The following SCFD2 variants were observed in gnomAD, a reference collection of about 807,000 sequenced individuals.
SCFD2 encodes sec1 family domain containing 2.
A neutral mutation model predicts 58.9 loss-of-function variants in SCFD2; 54 were observed. That is an observed-to-expected ratio of 0.92 (90% CI 0.74 to 1.15). The LOEUF is 1.15. Ranked by LOEUF, SCFD2 falls within the 50% of genes most tolerant of loss-of-function variation. The probability of loss-of-function intolerance (pLI) is 0.00; values close to 1 mark genes in which losing one functional copy is unlikely to be tolerated. For synonymous variants in SCFD2, 321 were observed against 335.9 expected (o/e 0.96, Z 0.49); for missense variants, 805 against 836.6 (o/e 0.96, Z 0.47).
intron 4 of SCFD2, among the ~76,000 whole-genome samples, chr4:53,165,496 G>C (rs553242068): frequency 6.6e-5 from 10 of 152,084 alleles, no homozygotes; most frequent in African/African-American, 2.4e-4. Flanking sequence ...GCACTGACTT[G>C]CACGACCCTA....
intron 5 of SCFD2, among the ~76,000 whole-genome samples, chr4:53,056,327 T>C (rs1577691527): frequency 1.3e-5 from 2 of 152,124 alleles, no homozygotes; most frequent in South Asian, 4.2e-4. Context: ...GGAATGTCCA[T>C]TCTCACAGTA....
intron 5 of SCFD2, among the ~76,000 whole-genome samples, chr4:53,082,649 A>ACACAC (rs1724182153): frequency 6.6e-6 from 1 of 152,102 alleles, no homozygotes; most frequent in African/African-American, 2.4e-5. Context: ...ATCTACCCTC[A>ACACAC]CACACAGGGG....
At chr4:52,998,582 C>T (rs879783343) in intron 5 of SCFD2, among the ~76,000 whole-genome samples, 70 of 152,216 alleles carry the variant, frequency 4.6e-4, no homozygotes, top group Non-Finnish European at 7.1e-4. Context: ...CCCCTTTAGC[C>T]CCAGCTGGAG....
chr4:52,959,103 G>A (rs1447131141), intron 5 of SCFD2, among the ~76,000 whole-genome samples: 8 of 152,160 alleles, frequency 5.3e-5, no homozygotes, highest in Non-Finnish European at 1.2e-4. Context: ...CAGAAAGTCT[G>A]ACTCTTGAGT....
At chr4:53,180,368 C>T (rs1489172193) in intron 4 of SCFD2, among the ~76,000 whole-genome samples, 1 of 152,178 alleles carries the variant, frequency 6.6e-6, no homozygotes, top group African/African-American at 2.4e-5. Flanking sequence ...CGCTCAGCTA[C>T]ATGGAAACTG....
chr4:53,041,047 T>C (rs1722886161), intron 5 of SCFD2, among the ~76,000 whole-genome samples: 1 of 152,218 alleles, frequency 6.6e-6, no homozygotes, highest in African/African-American at 2.4e-5. Context: ...ATGCTATGCA[T>C]ATTTTCATAA....
At chr4:52,937,774 G>A (rs1022236423) in intron 5 of SCFD2, among the ~76,000 whole-genome samples, 3 of 152,110 alleles carry the variant, frequency 2.0e-5, no homozygotes, top group African/African-American at 7.2e-5. Context: ...CACCTCTGCT[G>A]GATTTGATTG....
chr4:53,276,890 T>C (rs1204832246), intron 3 of SCFD2, among the ~76,000 whole-genome samples: 1 of 152,234 alleles, frequency 6.6e-6, no homozygotes, highest in African/African-American at 2.4e-5. Context: ...TATCTCATTG[T>C]GGTTTAAAAT....
intron 3 of SCFD2, among the ~76,000 whole-genome samples, chr4:53,284,600 T>C (rs1731607849): frequency 6.6e-6 from 1 of 152,214 alleles, no homozygotes; most frequent in African/African-American, 2.4e-5. Context: ...TATCACTATT[T>C]GTACAATGCG....
chr4:53,203,133 C>T (rs1381112528), intron 4 of SCFD2, among the ~76,000 whole-genome samples: 4 of 152,108 alleles, frequency 2.6e-5, no homozygotes, highest in African/African-American at 7.2e-5. Context: ...TTCCAGTTTT[C>T]GTTCATTCAG....
intron 5 of SCFD2, among the ~76,000 whole-genome samples, chr4:52,932,998 GAGA>G (rs1720036382): frequency 6.6e-6 from 1 of 152,192 alleles, no homozygotes; most frequent in Non-Finnish European, 1.5e-5. Flanking sequence ...TGGTGAGGAG[GAGA>G]AGAGTAGAAA....
chr4:52,934,975 G>A (rs1720099396), intron 5 of SCFD2, among the ~76,000 whole-genome samples: 4 of 152,284 alleles, frequency 2.6e-5, no homozygotes, highest in Non-Finnish European at 4.4e-5. Flanking sequence ...TACAGTAGCC[G>A]CTAGCTACTT....
chr4:53,048,023 C>A (rs1723086099), intron 5 of SCFD2, among the ~76,000 whole-genome samples: 1 of 152,144 alleles, frequency 6.6e-6, no homozygotes. Context: ...GACCCAGCAG[C>A]ATCACCAGCA....
intron 3 of SCFD2, among the ~76,000 whole-genome samples, chr4:53,279,394 G>GT (rs1192487733): frequency 6.6e-6 from 1 of 152,112 alleles, no homozygotes; most frequent in East Asian, 1.9e-4. Flanking sequence ...GGGATTACAG[G>GT]TGTGAGCCAC....
rs1727012374 is a variant in SCFD2, at chr4:53,166,494, G to A, written c.1312-20912C>T. 3.3e-5 allele frequency among the ~76,000 whole-genome samples: 5 copies of A among 152,080 alleles called. No homozygotes were observed. The South Asian group carries it at 1.0e-3, about 32-fold the overall frequency. ...GTTTGAAATGGACCTGCCTTATAAGGAGGTACATAGAGAGATTGGAGGGCT... is the reference window on the plus strand; with the variant it reads ...GTTTGAAATGGACCTGCCTTATAAGAAGGTACATAGAGAGATTGGAGGGCT... On this transcript the variant is annotated intron_variant, in intron 4 of 8. Coordinates refer to ENST00000401642, the MANE Select transcript of SCFD2 (RefSeq NM_152540.4).
chr4:53,275,281 AT>A (rs1731295086), intron 3 of SCFD2, among the ~76,000 whole-genome samples: 1 of 152,088 alleles, frequency 6.6e-6, no homozygotes, highest in Admixed American at 6.6e-5. Flanking sequence ...CTTTTCATTA[AT>A]TTTTTTGAAG....
intron 5 of SCFD2, among the ~76,000 whole-genome samples, chr4:53,017,548 T>C (rs1335775781): frequency 6.6e-6 from 1 of 152,258 alleles, no homozygotes; most frequent in Non-Finnish European, 1.5e-5. Context: ...AATTTCCATC[T>C]AGATTCCCTG....
chr4:52,974,867 A>C (rs1359561611), intron 5 of SCFD2, among the ~76,000 whole-genome samples: 1 of 152,136 alleles, frequency 6.6e-6, no homozygotes, highest in East Asian at 1.9e-4. Flanking sequence ...ATAATGCCGC[A>C]TATCTACAAC....
In SCFD2 at chr4:53,313,767, C is replaced by T. The variant is rs749949622; in HGVS notation, c.1008-4G>A. The T allele has an allele frequency of 6.2e-7, 1 of 1,613,624 alleles. No individual in the cohort carries two copies. Among genetic ancestry groups the T allele is most frequent in the Non-Finnish European group, 8.5e-7 (1 of 1,179,722 alleles). On this transcript the variant is annotated splice_region_variant and splice_polypyrimidine_tract_variant and intron_variant, in intron 2 of 8. Coordinates refer to ENST00000401642, the MANE Select transcript of SCFD2 (RefSeq NM_152540.4). ...TAGGGCTTTGGCTGTGGTGTCACTG[C>T]AGGAAAATCACAAAAAGAGCTTTAG...
Sources: allele counts gnomAD v4.1 joint callset (sites outside exome capture counted in the v4.1 genomes callset), GRCh38; gene constraint gnomAD v4.1.1; transcripts MANE v1.5; gene names NCBI Gene and HGNC (gene_info 2026-07-23, HGNC 2026-07-21).